BTRC: variants seen among roughly 807,000 people sequenced by gnomAD.
BTRC encodes the protein F-box/WD repeat-containing protein 1A.
In BTRC, 42 loss-of-function variants were observed where a neutral mutation model predicts 85.5. The ratio of observed to expected loss-of-function variants is 0.49; its 90% confidence interval spans 0.38 to 0.64. BTRC has a LOEUF of 0.64. BTRC is among the 30% of genes least tolerant of loss of function. The pLI is 0.00. For missense variants in BTRC, 594 were observed against 743.5 expected (o/e 0.80, Z 2.34); for synonymous variants, 255 against 263.3 (o/e 0.97, Z 0.30).
At chr10:101,514,290 A>G (rs1218552400) in intron 4 of BTRC, among the ~76,000 whole-genome samples, 1 of 152,082 alleles carries the variant, frequency 6.6e-6, no homozygotes, top group East Asian at 1.9e-4. Flanking sequence ...ATGTTTGCCT[A>G]TTCCAAGAAC....
At chr10:101,481,135 G>A (rs1260373910) in intron 4 of BTRC, among the ~76,000 whole-genome samples, 1 of 152,064 alleles carries the variant, frequency 6.6e-6, no homozygotes, top group East Asian at 1.9e-4. Context: ...GTAGAGATGA[G>A]GTGTCGCTGT....
At position 101,556,782 on chromosome 10, in the gene BTRC, G is replaced by A. The variant is rs1054982479; in HGVS notation, c.*3659G>A. 6.6e-6 allele frequency: 1 copy of A among 152,234 alleles called. No individual in the cohort carries two copies. The highest frequency in any genetic ancestry group is 2.4e-5 in the African/African-American group (1 of 41,448). 9.4% of individuals were successfully genotyped at this position (152,234 alleles called of 1,614,324 possible). ...AGAAGCTCCTTCTGTTGGAAGTTGA[G>A]TACCTGTGATCTAAAATGTCCTGGA... On this transcript the variant is annotated 3_prime_UTR_variant, in exon 15 of 15. Coordinates refer to ENST00000370187, the MANE Select transcript of BTRC (RefSeq NM_033637.4).
At chr10:101,521,244 A>G (rs2062100011) in intron 4 of BTRC, among the ~76,000 whole-genome samples, 1 of 152,262 alleles carries the variant, frequency 6.6e-6, no homozygotes. Flanking sequence ...ACTGCACTCC[A>G]GCCTGGGTGA....
intron 4 of BTRC, among the ~76,000 whole-genome samples, chr10:101,489,688 A>G (rs184325422): frequency 6.6e-6 from 1 of 152,290 alleles, no homozygotes; most frequent in Admixed American, 6.5e-5. Context: ...CTTCTACTCT[A>G]TACCAAGTTT....
intron 6 of BTRC, among the ~76,000 whole-genome samples, chr10:101,528,972 C>A (rs1420445684): frequency 1.3e-5 from 2 of 152,172 alleles, no homozygotes; most frequent in Non-Finnish European, 2.9e-5. Context: ...GTAGTTTTCT[C>A]TCTTGAATAA....
chr10:101,406,877 T>G (rs1382267030), intron 1 of BTRC, among the ~76,000 whole-genome samples: 8 of 152,168 alleles, frequency 5.3e-5, no homozygotes, highest in South Asian at 2.1e-4. Flanking sequence ...TTCTTTAAGC[T>G]TTTTACTTTT....
intron 4 of BTRC, among the ~76,000 whole-genome samples, chr10:101,489,395 G>C (rs1946071467): frequency 6.6e-6 from 1 of 152,102 alleles, no homozygotes; most frequent in African/African-American, 2.4e-5. Flanking sequence ...CTGAAAGAGA[G>C]ATTTTTATTC....
At chr10:101,421,934 G>A (rs1199134520) in intron 1 of BTRC, among the ~76,000 whole-genome samples, 11 of 152,016 alleles carry the variant, frequency 7.2e-5, no homozygotes, top group Non-Finnish European at 1.5e-4. Context: ...GTAAACATAC[G>A]TGTGCATGTG....
At chr10:101,492,913 A>G (rs1409699348) in intron 4 of BTRC, among the ~76,000 whole-genome samples, 2 of 152,298 alleles carry the variant, frequency 1.3e-5, no homozygotes, top group East Asian at 3.9e-4. Flanking sequence ...TCTCAACATT[A>G]TAACATTATA....
chr10:101,530,130 G>A (rs897075088), intron 6 of BTRC, among the ~76,000 whole-genome samples: 2 of 152,136 alleles, frequency 1.3e-5, no homozygotes, highest in Non-Finnish European at 2.9e-5. Flanking sequence ...TCATAAGGAA[G>A]GAGATACTAA....
At chr10:101,552,357 AT>A (rs33974447) in intron 14 of BTRC, among the ~76,000 whole-genome samples, 180 of 132,864 alleles carry the variant, frequency 1.4e-3, no homozygotes, top group Middle Eastern at 3.9e-3. Flanking sequence ...AATTGTTTGT[AT>A]TTTTTTTTTT....
intron 3 of BTRC, among the ~76,000 whole-genome samples, chr10:101,469,731 C>T (rs1254604530): frequency 1.3e-5 from 2 of 152,124 alleles, no homozygotes; most frequent in Non-Finnish European, 1.5e-5. Context: ...ATTTTCATAA[C>T]CTAGGAATGT....
chr10:101,505,636 A>T (rs767855187), intron 4 of BTRC, among the ~76,000 whole-genome samples: 2,933 of 137,718 alleles, frequency 0.021, 41 homozygotes, highest in Non-Finnish European at 0.034. Flanking sequence ...ATAAAAAAAA[A>T]AAAATAATAA....
intron 14 of BTRC, among the ~76,000 whole-genome samples, chr10:101,551,973 A>G (rs76569850): frequency 0.06 from 9,070 of 152,192 alleles, 353 homozygotes; most frequent in Non-Finnish European, 0.086. Flanking sequence ...GCCCTCAGGA[A>G]AAACTGGTCA....
intron 4 of BTRC, among the ~76,000 whole-genome samples, chr10:101,504,403 C>T (rs1404406695): frequency 6.6e-6 from 1 of 152,020 alleles, no homozygotes; most frequent in Non-Finnish European, 1.5e-5. Context: ...TCTCCCCCTT[C>T]CCACCTATTT....
intron 4 of BTRC, among the ~76,000 whole-genome samples, chr10:101,480,993 A>T (rs1384630519): frequency 6.6e-6 from 1 of 152,140 alleles, no homozygotes; most frequent in Non-Finnish European, 1.5e-5. Flanking sequence ...ATCCTAGCTC[A>T]ATGCAGCCTT....
intron 2 of BTRC, among the ~76,000 whole-genome samples, chr10:101,455,893 G>A (rs1459551041): frequency 6.6e-6 from 1 of 151,942 alleles, no homozygotes; most frequent in African/African-American, 2.4e-5. Flanking sequence ...TGTAATCCCA[G>A]GACTTTGGGA....
At chr10:101,522,353 A>T (rs1409826004) in intron 5 of BTRC, among the ~76,000 whole-genome samples, 4 of 33,922 alleles carry the variant, frequency 1.2e-4, no homozygotes, top group Admixed American at 3.1e-4. Context: ...ATAAAGCTTT[A>T]AAAAAAAAAA....
intron 6 of BTRC, among the ~76,000 whole-genome samples, chr10:101,529,433 G>T (rs1462374144): frequency 6.6e-6 from 1 of 152,198 alleles, no homozygotes; most frequent in Non-Finnish European, 1.5e-5. Context: ...CTCAGGAATG[G>T]TGGGCATTGA....
Sources: allele counts gnomAD v4.1 joint callset (sites outside exome capture counted in the v4.1 genomes callset), GRCh38; gene constraint gnomAD v4.1.1; transcripts MANE v1.5; gene names NCBI Gene and HGNC (gene_info 2026-07-23, HGNC 2026-07-21).